ADCY5: variants seen among roughly 807,000 people sequenced by gnomAD.
The protein encoded by ADCY5 is adenylate cyclase type 5.
Under a neutral mutation model 119.7 loss-of-function variants are expected in ADCY5, and 30 were observed. That is an observed-to-expected ratio of 0.25 (90% CI 0.19 to 0.34). The LOEUF (loss-of-function observed/expected upper bound fraction) is 0.34, where lower values mean the gene tolerates loss of function less well. ADCY5 is among the 10% of genes least tolerant of loss of function. The pLI, the probability that ADCY5 is intolerant of heterozygous loss-of-function variation, is 1.00. For missense variants in ADCY5, 1,324 were observed against 1,775.2 expected (o/e 0.75, Z 4.57); for synonymous variants, 753 against 762.2 (o/e 0.99, Z 0.20).
intron 1 of ADCY5, among the ~76,000 whole-genome samples, chr3:123,359,526 C>T (rs910636079): frequency 7.3e-5 from 11 of 151,612 alleles, no homozygotes; most frequent in Admixed American, 5.9e-4. Context: ...GATCTTCCTC[C>T]ACCTATGAGG....
At chr3:123,321,081 G>A (rs564498017) in intron 8 of ADCY5, among the ~76,000 whole-genome samples, 5 of 152,026 alleles carry the variant, frequency 3.3e-5, no homozygotes, top group African/African-American at 1.2e-4. Flanking sequence ...ATCTCTCCTC[G>A]CCATCCTCCT....
chr3:123,377,083 G>A (rs886516157), intron 1 of ADCY5, among the ~76,000 whole-genome samples: 8 of 152,202 alleles, frequency 5.3e-5, no homozygotes, highest in Non-Finnish European at 1.2e-4. Context: ...ACCTCCAGCT[G>A]ACAAGCGCAC....
chr3:123,380,607 T>C (rs1944000668), intron 1 of ADCY5, among the ~76,000 whole-genome samples: 1 of 152,194 alleles, frequency 6.6e-6, no homozygotes, highest in Non-Finnish European at 1.5e-5. Flanking sequence ...TCAGATCCTG[T>C]CCTTCCCCAT....
intron 3 of ADCY5, among the ~76,000 whole-genome samples, chr3:123,344,681 G>A (rs1164316680): frequency 6.6e-6 from 1 of 152,130 alleles, no homozygotes; most frequent in Non-Finnish European, 1.5e-5. Flanking sequence ...CCCAAGGGGT[G>A]TTTTTAAACT....
intron 8 of ADCY5, among the ~76,000 whole-genome samples, chr3:123,323,313 C>T (rs1941315135): frequency 6.6e-6 from 1 of 152,210 alleles, no homozygotes. Context: ...TTCCAAAATT[C>T]CTTGTCCTAA....
chr3:123,373,767 C>CCT (rs1198914754), intron 1 of ADCY5, among the ~76,000 whole-genome samples: 2 of 66,104 alleles, frequency 3.0e-5, no homozygotes, highest in Non-Finnish European at 6.4e-5. Context: ...CGCCCCCCCC[C>CCT]CCCCGACCCC....
intron 10 of ADCY5, 45 bp from the exon 11 acceptor site, chr3:123,318,162 C>A (rs369460277): frequency 2.0e-6 from 3 of 1,503,176 alleles, no homozygotes; most frequent in East Asian, 2.3e-5. Flanking sequence ...GTACCTGGCC[C>A]GGTCTGCTCC....
chr3:123,325,606 C>T (rs1559807660), intron 7 of ADCY5, 144 bp from the exon 8 acceptor site: 3 of 1,109,674 alleles, frequency 2.7e-6, no homozygotes, highest in Non-Finnish European at 3.9e-6. Flanking sequence ...CAGAGCTCGG[C>T]CCAGATCCTG....
At chr3:123,374,913 C>T (rs562939065) in intron 1 of ADCY5, among the ~76,000 whole-genome samples, 4 of 152,340 alleles carry the variant, frequency 2.6e-5, no homozygotes, top group Non-Finnish European at 5.9e-5. Context: ...AATTATGGGG[C>T]ACATGATGAG....
intron 1 of ADCY5, among the ~76,000 whole-genome samples, chr3:123,436,610 G>A (rs1052782003): frequency 6.6e-6 from 1 of 152,110 alleles, no homozygotes; most frequent in Non-Finnish European, 1.5e-5. Context: ...GGAGGCTGAA[G>A]CAGGAGAATC....
At chr3:123,303,893 G>GAAGAGGAGAAGAGAAGAGAAGAA (rs746945989) in intron 13 of ADCY5, among the ~76,000 whole-genome samples, 174 bp downstream of exon 13, 1 of 117,186 alleles carries the variant, frequency 8.5e-6, no homozygotes, top group Admixed American at 8.4e-5. Context: ...GAAGAGAAGA[G>GAAGAGGAGAAGAGAAGAGAAGAA]AAGAAAGAAC....
At chr3:123,406,678 C>A (rs943883212) in intron 1 of ADCY5, among the ~76,000 whole-genome samples, 8 of 152,116 alleles carry the variant, frequency 5.3e-5, no homozygotes, top group African/African-American at 1.9e-4. Flanking sequence ...CAAAATGGCA[C>A]AAATAATGGC....
At chr3:123,419,106 T>C in intron 1 of ADCY5, 1 of 972,002 alleles carries the variant, frequency 1.0e-6, no homozygotes, top group Non-Finnish European at 1.2e-6. Flanking sequence ...TCTATATAAA[T>C]CCTAAGGGTT....
At chr3:123,341,030 CAGGAGA>C (rs1942259363) in intron 3 of ADCY5, among the ~76,000 whole-genome samples, 1 of 151,988 alleles carries the variant, frequency 6.6e-6, no homozygotes. Flanking sequence ...GAGGCTGAGG[CAGGAGA>C]ATTGCTTGAA....
At position 123,284,170 on chromosome 3, in the gene ADCY5, C is replaced by T. The variant is rs1377537454; in HGVS notation, c.*438G>A. On this transcript the variant is annotated 3_prime_UTR_variant, in exon 21 of 21. Transcript: ENST00000462833. The stretch of plus-strand genomic sequence containing the variant: ...GTGGCCTGTCTGAAGTTTAAAGGCT[C>T]ACATAGAAAAGCAGACCCCTGGGGC... 2 of 165,320 alleles carry T rather than the reference C, an allele frequency of 1.2e-5. No homozygotes were observed. The highest frequency in any genetic ancestry group is 2.4e-5 in the African/African-American group (1 of 41,672). 10.2% of individuals were successfully genotyped at this position (165,320 alleles called of 1,614,324 possible).
chr3:123,428,774 C>T (rs1022447129), intron 1 of ADCY5, among the ~76,000 whole-genome samples: 3 of 152,182 alleles, frequency 2.0e-5, no homozygotes, highest in Admixed American at 6.5e-5. Flanking sequence ...ATTTGGGATA[C>T]AGATTCCTGG....
At position 123,283,551 on chromosome 3, in the gene ADCY5, G is replaced by A. The variant is rs1559771749; in HGVS notation, c.*1057C>T. ...ATCCTCCTACTTAATCTGAGCATATGGTACCCCAAAAGCACACACCCACTG... is the reference window on the plus strand; with the variant it reads ...ATCCTCCTACTTAATCTGAGCATATAGTACCCCAAAAGCACACACCCACTG... On this transcript the variant is annotated 3_prime_UTR_variant, in exon 21 of 21. Transcript: ENST00000462833. The A allele has an allele frequency of 1.3e-5, 2 of 152,132 alleles. No homozygotes were observed. The highest frequency in any genetic ancestry group is 2.9e-5 in the Non-Finnish European group (2 of 68,050). 9.4% of individuals were successfully genotyped at this position (152,132 alleles called of 1,614,324 possible).
Position 123,291,101 on chromosome 3 carries a change from C to T in ADCY5, c.3327+12G>A, listed in dbSNP as rs1453630997. On this transcript the variant is annotated intron_variant, in intron 18 of 20. Transcript: ENST00000462833. ...CCCAGGAACACAGCCTGACCCAGGC[C>T]CCGCTGTGCACCTCATCAAAGTCAG... 6.2e-7 allele frequency: 1 copy of T among 1,604,280 alleles called. No homozygotes were observed. Among genetic ancestry groups the T allele is most frequent in the Non-Finnish European group, 8.5e-7 (1 of 1,173,896 alleles).
At chr3:123,403,113 C>T (rs1022660181) in intron 1 of ADCY5, among the ~76,000 whole-genome samples, 2 of 152,086 alleles carry the variant, frequency 1.3e-5, no homozygotes, top group African/African-American at 4.8e-5. Context: ...GACACGGTGG[C>T]TCACGCCTGT....
Sources: gnomAD v4.1 joint callset for allele counts (sites outside exome capture counted in the v4.1 genomes callset) on GRCh38, gnomAD v4.1.1 for gene constraint, MANE v1.5 for transcripts, NCBI Gene and HGNC (gene_info 2026-07-23, HGNC 2026-07-21) for gene names.